The following VSIG10 variants were observed in gnomAD, a reference collection of about 807,000 sequenced individuals.
VSIG10 encodes the protein V-set and immunoglobulin domain-containing protein 10.
Under a neutral mutation model 58.7 loss-of-function variants are expected in VSIG10, and 48 were observed. The observed-to-expected ratio is 0.82, with a 90% CI of 0.65 to 1.04. The LOEUF (loss-of-function observed/expected upper bound fraction) is 1.04. VSIG10 is among the 50% of genes least tolerant of loss of function. VSIG10 has a pLI of 0.00. For missense variants in VSIG10, 628 were observed against 670.0 expected (o/e 0.94, Z 0.69); for synonymous variants, 260 against 267.1 (o/e 0.97, Z 0.26).
intron 1 of VSIG10, among the ~76,000 whole-genome samples, chr12:118,103,337 C>T (rs983255013): frequency 6.6e-6 from 1 of 152,152 alleles, no homozygotes; most frequent in Non-Finnish European, 1.5e-5. Flanking sequence ...CGGCTCGGCT[C>T]GGCTCCTCTG....
At chr12:118,070,376 T>C (rs2032438295) in intron 7 of VSIG10, among the ~76,000 whole-genome samples, 1 of 151,864 alleles carries the variant, frequency 6.6e-6, no homozygotes, top group Non-Finnish European at 1.5e-5. Flanking sequence ...GGTGAAACCC[T>C]GTCTCTACTA....
In VSIG10 at chr12:118,063,994, G is replaced by A. The variant is rs919238473; in HGVS notation, c.*2645C>T. 6.6e-6 allele frequency: 1 copy of A among 152,200 alleles called. No homozygotes were observed. The highest frequency in any genetic ancestry group is 2.4e-5 in the African/African-American group (1 of 41,448). 9.4% of individuals were successfully genotyped at this position (152,200 alleles called of 1,614,324 possible). On this transcript the variant is annotated 3_prime_UTR_variant, in exon 9 of 9. Transcript: ENST00000359236. ...GAAAAAAGTCAGTTGCAATGGACCT[G>A]AAGTGTGTATCTTCCTGGTCCTGAT... is the stretch of plus-strand genomic sequence containing the variant.
chr12:118,065,245 C>CA lies in VSIG10; in HGVS notation c.*1393dup. ...GTCCAGATGAGCTGGTTTGCCCAAG[C>CA]AATTCTTATCACCAGATACTCCGTT... On this transcript the variant is annotated 3_prime_UTR_variant, in exon 9 of 9. Transcript: ENST00000359236. 6.6e-6 allele frequency: 1 copy of CA among 152,340 alleles called. No homozygotes were observed. The highest frequency in any genetic ancestry group is 1.5e-5 in the Non-Finnish European group (1 of 68,030). 9.4% of individuals were successfully genotyped at this position (152,340 alleles called of 1,614,324 possible).
chr12:118,077,484 C>T (rs903356461), intron 4 of VSIG10, among the ~76,000 whole-genome samples: 2 of 152,136 alleles, frequency 1.3e-5, no homozygotes, highest in Non-Finnish European at 2.9e-5. Context: ...CCATGCCACC[C>T]AGAATATAAG....
chr12:118,075,620 G>T (rs917179434), intron 4 of VSIG10, among the ~76,000 whole-genome samples: 4 of 152,072 alleles, frequency 2.6e-5, no homozygotes, highest in Non-Finnish European at 4.4e-5. Context: ...CTCCCAAAGT[G>T]CTGGGATTAC....
intron 3 of VSIG10, 135 bp downstream of exon 3, chr12:118,081,992 G>A: frequency 9.5e-7 from 1 of 1,053,044 alleles, no homozygotes; most frequent in Non-Finnish European, 1.3e-6. Context: ...ACTCCAGCCT[G>A]GGCAAGAAGA....
At chr12:118,071,932 G>A (rs2032511215) in intron 5 of VSIG10, among the ~76,000 whole-genome samples, 1 of 152,260 alleles carries the variant, frequency 6.6e-6, no homozygotes, top group East Asian at 1.9e-4. Flanking sequence ...CACTTTGGGA[G>A]GCTGAGGAGG....
intron 2 of VSIG10, among the ~76,000 whole-genome samples, chr12:118,087,738 T>C (rs1313003674): frequency 7.0e-6 from 1 of 142,802 alleles, no homozygotes; most frequent in Non-Finnish European, 1.5e-5. Flanking sequence ...CTCAGGACGG[T>C]GAGATAAAAG....
At chr12:118,096,471 G>A (rs1300516483) in intron 1 of VSIG10, among the ~76,000 whole-genome samples, 1 of 151,802 alleles carries the variant, frequency 6.6e-6, no homozygotes, top group Non-Finnish European at 1.5e-5. Context: ...CCAGCTACTA[G>A]GGAGGCTGAA....
chr12:118,081,656 T>C (rs2032951684), intron 3 of VSIG10, among the ~76,000 whole-genome samples: 1 of 152,114 alleles, frequency 6.6e-6, no homozygotes. Flanking sequence ...GCAGCAGCCC[T>C]GGATGTGTGT....
At position 118,098,726 on chromosome 12, in the gene VSIG10, G is replaced by A. The variant is rs80263338; in HGVS notation, c.80-2912C>T. Among the ~76,000 whole-genome samples the A allele has an allele frequency of 5.0e-3, 757 of 152,250 alleles. 6 individuals carry two copies. Among genetic ancestry groups the A allele is most frequent in the African/African-American group, 0.017 (721 of 41,558 alleles). On this transcript the variant is annotated intron_variant, in intron 1 of 8. Coordinates refer to ENST00000359236, the MANE Select transcript of VSIG10 (RefSeq NM_019086.6). ...AAGTAGGAATCAGCCAAGAAAAGGT[G>A]AGGATGGGTTCCCAGGCAAACGGAG... is the stretch of plus-strand genomic sequence containing the variant.
intron 4 of VSIG10, among the ~76,000 whole-genome samples, chr12:118,075,855 A>G (rs1222856261): frequency 6.6e-6 from 1 of 152,204 alleles, no homozygotes; most frequent in Non-Finnish European, 1.5e-5. Flanking sequence ...ACAGAACTAA[A>G]TAGGCAATGC....
In VSIG10 at chr12:118,082,446, G is replaced by T. The variant is rs537110073; in HGVS notation, c.362-17C>A. ...AGGGGCCGCCTGGGGATGACAGGGGGAATAGGATGGCATTAATTATGTAAG... is the reference window on the plus strand; with the variant it reads ...AGGGGCCGCCTGGGGATGACAGGGGTAATAGGATGGCATTAATTATGTAAG... On this transcript the variant is annotated splice_polypyrimidine_tract_variant and intron_variant, in intron 2 of 8. Coordinates refer to ENST00000359236, the MANE Select transcript of VSIG10 (RefSeq NM_019086.6). 2.5e-6 allele frequency: 4 copies of T among 1,598,470 alleles called. No homozygotes were observed. The highest frequency in any genetic ancestry group is 1.1e-5 in the South Asian group (1 of 90,502).
intron 2 of VSIG10, among the ~76,000 whole-genome samples, chr12:118,092,098 GC>G (rs1446153780): frequency 6.6e-6 from 1 of 151,932 alleles, no homozygotes. Context: ...TCACTCTGTA[GC>G]CCAGGGTGGA....
intron 2 of VSIG10, among the ~76,000 whole-genome samples, chr12:118,089,063 G>A (rs1439899503): frequency 6.6e-6 from 1 of 151,402 alleles, no homozygotes. Context: ...TTTCTTGTGT[G>A]TCAGCCTCCC....
rs113443007 is a variant in VSIG10 at position 118,070,418 on chromosome 12, C to T, written c.1346+634G>A. On this transcript the variant is annotated intron_variant, in intron 7 of 8. Transcript: ENST00000359236. ...CAAAAATTAGCCAGGCTTGATGGTG[C>T]GCACCTGTAATCCCAACTACTCGGA... Among the ~76,000 whole-genome samples the T allele has an allele frequency of 6.5e-3, 988 of 151,910 alleles. 13 individuals are homozygous for T. The highest frequency in any genetic ancestry group is 0.023 in the African/African-American group (934 of 41,444).
At chr12:118,078,579 G>A (rs1373526846) in intron 4 of VSIG10, among the ~76,000 whole-genome samples, 1 of 152,042 alleles carries the variant, frequency 6.6e-6, no homozygotes, top group Non-Finnish European at 1.5e-5. Context: ...GCAGCCTGAC[G>A]CTCTCACCAG....
intron 4 of VSIG10, among the ~76,000 whole-genome samples, chr12:118,074,837 T>C (rs921088700): frequency 6.6e-6 from 1 of 152,136 alleles, no homozygotes; most frequent in Non-Finnish European, 1.5e-5. Context: ...ATTCACAATT[T>C]CCTAAGTTTT....
intron 4 of VSIG10, among the ~76,000 whole-genome samples, chr12:118,078,335 T>A (rs2032808871): frequency 1.3e-5 from 2 of 152,118 alleles, no homozygotes; most frequent in Non-Finnish European, 1.5e-5. Context: ...ATTTTTGTAT[T>A]TTTAGTAGAG....
Sources: allele counts gnomAD v4.1 joint callset (sites outside exome capture counted in the v4.1 genomes callset), GRCh38; gene constraint gnomAD v4.1.1; transcripts MANE v1.5; gene names NCBI Gene and HGNC (gene_info 2026-07-23, HGNC 2026-07-21).